LMLN: variants seen among roughly 807,000 people sequenced by gnomAD.
LMLN encodes the protein leishmanolysin like peptidase, also known as leishmanolysin-like peptidase.
In LMLN, 70 loss-of-function variants were observed where a neutral mutation model predicts 92.3. That is an observed-to-expected ratio of 0.76 (90% CI 0.63 to 0.92). The LOEUF (loss-of-function observed/expected upper bound fraction) is 0.92, where lower values mean the gene tolerates loss of function less well. Among genes scored for constraint, LMLN ranks in the 40% least tolerant of loss-of-function variants. LMLN has a pLI of 0.00. For missense variants in LMLN, 691 were observed against 814.6 expected (o/e 0.85, Z 1.85); for synonymous variants, 308 against 296.2 (o/e 1.04, Z -0.41).
At chr3:198,017,287 T>G (rs956674848) in intron 11 of LMLN, among the ~76,000 whole-genome samples, 1 of 152,348 alleles carries the variant, frequency 6.6e-6, no homozygotes, top group Non-Finnish European at 1.5e-5. Context: ...AGACCCAGTC[T>G]GCCTGTATGT....
chr3:197,975,933 A>G, intron 3 of LMLN, 96 bp from the exon 4 acceptor site: 1 of 714,368 alleles, frequency 1.4e-6, no homozygotes, highest in East Asian at 2.8e-5. Flanking sequence ...AGAATTATAA[A>G]GCTTTTTTTC....
intron 5 of LMLN, among the ~76,000 whole-genome samples, chr3:197,979,257 A>C (rs2109863622): frequency 6.6e-6 from 1 of 152,282 alleles, no homozygotes; most frequent in African/African-American, 2.4e-5. Context: ...TTCCCTCTAC[A>C]AGTATTGCTT....
chr3:198,003,065 G>T, intron 11 of LMLN: 1 of 1,551,640 alleles, frequency 6.4e-7, no homozygotes, highest in Non-Finnish European at 8.7e-7. Context: ...TGGGGCCGAG[G>T]AATGGGCTGT....
In LMLN at chr3:198,020,629, G is replaced by T. The variant is rs939530248; in HGVS notation, c.1366-817G>T. Reference sequence around the variant, plus strand: ...TTATTTTTGGAGATGGAGTCTTGCTGTGTCACCAGGCTGGAGTGCAGTGGT... The same window carrying T: ...TTATTTTTGGAGATGGAGTCTTGCTTTGTCACCAGGCTGGAGTGCAGTGGT... On this transcript the variant is annotated intron_variant, in intron 12 of 15. Transcript: ENST00000330198. 2.6e-5 allele frequency among the ~76,000 whole-genome samples: 4 copies of T among 151,652 alleles called. No homozygotes were observed. In the East Asian group the frequency reaches 7.7e-4, roughly 29 times the overall value.
At chr3:197,976,458 T>A (rs916308081) in intron 4 of LMLN, 140 bp from the exon 5 acceptor site, 3 of 553,662 alleles carry the variant, frequency 5.4e-6, no homozygotes, top group Non-Finnish European at 9.8e-6. Context: ...ACCCAAATTC[T>A]TTCTTAGCTA....
rs974772195 is a variant in LMLN, at chr3:197,999,124, T to TA, written c.1156-141dup. ...GTTCAGTCTAGTCATCTTAAAGGTT[T>TA]ATGTATTTCACCACTTTTAAGTGAA... On this transcript the variant is annotated intron_variant, in intron 10 of 15. Coordinates refer to ENST00000330198, the Ensembl canonical transcript of LMLN. 6.1e-6 allele frequency: 4 copies of TA among 651,074 alleles called. No individual in the cohort carries two copies. The African/African-American group carries it at 7.2e-5, about 12-fold the overall frequency. 40.3% of individuals were successfully genotyped at this position (651,074 alleles called of 1,614,324 possible).
intron 14 of LMLN, among the ~76,000 whole-genome samples, chr3:198,034,482 A>G (rs1016329504): frequency 6.6e-6 from 1 of 152,074 alleles, no homozygotes; most frequent in Non-Finnish European, 1.5e-5. Context: ...GTGGTAGCAC[A>G]GGCCTGTAGT....
intron 1 of LMLN, among the ~76,000 whole-genome samples, chr3:197,972,954 C>T (rs77882381): frequency 0.065 from 9,833 of 152,176 alleles, 381 homozygotes; most frequent in African/African-American, 0.1. Flanking sequence ...GATACAAGTT[C>T]TGAACATTTT....
At chr3:197,972,811 A>G (rs1328032921) in intron 1 of LMLN, among the ~76,000 whole-genome samples, 4 of 151,936 alleles carry the variant, frequency 2.6e-5, no homozygotes, top group African/African-American at 9.7e-5. Flanking sequence ...TCGCATACAT[A>G]TGTAATTTCG....
rs1195170093 is a variant in LMLN, at chr3:198,019,869, C to CT, written c.1365+491dup. Among the ~76,000 whole-genome samples, 2 of 151,974 alleles carry CT rather than the reference C, an allele frequency of 1.3e-5. No individual in the cohort carries two copies. The highest frequency in any genetic ancestry group is 1.3e-4 in the Admixed American group (2 of 15,236). Reference sequence around the variant, plus strand: ...CTTTATGTTTCTTTTTATCTTTTATCTTTTTTTCCGAGACCGAGTCTCACT... The same window carrying CT: ...CTTTATGTTTCTTTTTATCTTTTATCTTTTTTTTCCGAGACCGAGTCTCACT... On this transcript the variant is annotated intron_variant, in intron 12 of 15. Transcript: ENST00000330198. This position sits in a 1 kb window ranked among gnomAD's most constrained non-coding sequence, Gnocchi z 5.5.
intron 11 of LMLN, among the ~76,000 whole-genome samples, chr3:198,000,602 ATTTTTAGTGTAGATGGGG>A (rs1188214966): frequency 6.6e-6 from 1 of 151,782 alleles, no homozygotes; most frequent in Admixed American, 6.6e-5. Flanking sequence ...TAATTTTTGT[ATTTTTAGTGTAGATGGGG>A]TTTCGCCATG....
chr3:198,006,116 C>G (rs199512699), intron 11 of LMLN, among the ~76,000 whole-genome samples: 1 of 151,700 alleles, frequency 6.6e-6, no homozygotes. Flanking sequence ...GGCTCTGTCT[C>G]AAAAAAGAGA....
intron 11 of LMLN, among the ~76,000 whole-genome samples, chr3:198,014,726 T>A (rs1254042480): frequency 2.6e-4 from 37 of 142,208 alleles, no homozygotes; most frequent in African/African-American, 9.5e-4. Flanking sequence ...CTCTCCACTC[T>A]TCAGAGCCCC....
intron 10 of LMLN, among the ~76,000 whole-genome samples, chr3:197,997,035 CT>C (rs770611151): frequency 2.1e-5 from 3 of 141,614 alleles, no homozygotes; most frequent in African/African-American, 8.3e-5. Context: ...CTTTTCTTTT[CT>C]TTTCTTTCTT....
At chr3:198,006,494 A>G (rs774615394) in intron 11 of LMLN, among the ~76,000 whole-genome samples, 22 of 152,210 alleles carry the variant, frequency 1.4e-4, no homozygotes, top group Non-Finnish European at 2.2e-4. Context: ...GAAAATGCCA[A>G]ACTTTTTAAT....
intron 1 of LMLN, among the ~76,000 whole-genome samples, chr3:197,970,878 C>T (rs2109849472): frequency 6.6e-6 from 1 of 152,308 alleles, no homozygotes; most frequent in Non-Finnish European, 1.5e-5. Context: ...TTTCTTCCTA[C>T]AGAAACAGGT....
At chr3:197,998,982 G>A (rs1400790933) in intron 10 of LMLN, among the ~76,000 whole-genome samples, 1 of 152,178 alleles carries the variant, frequency 6.6e-6, no homozygotes, top group Non-Finnish European at 1.5e-5. Context: ...TAGCATTTCT[G>A]TTTCCATATA....
At chr3:197,970,050 G>GCCT (rs1721181147) in intron 1 of LMLN, among the ~76,000 whole-genome samples, 1 of 152,058 alleles carries the variant, frequency 6.6e-6, no homozygotes, top group Admixed American at 6.5e-5. Context: ...TACTCAGGAG[G>GCCT]CTGAGGCAGG....
chr3:198,016,833 G>T (rs1265601307), intron 11 of LMLN, among the ~76,000 whole-genome samples: 1 of 151,674 alleles, frequency 6.6e-6, no homozygotes, highest in African/African-American at 2.4e-5. Context: ...GTTTTTTTTT[G>T]AAGTCCAAAT....
Sources: gnomAD v4.1 joint callset for allele counts (sites outside exome capture counted in the v4.1 genomes callset) on GRCh38, gnomAD v4.1.1 for gene constraint, Gnocchi (gnomAD v3.1) non-coding constraint, MANE v1.5 for transcripts, NCBI Gene and HGNC (gene_info 2026-07-23, HGNC 2026-07-21) for gene names.